The following SEC23IP variants were observed in gnomAD, a reference collection of about 807,000 sequenced individuals.
SEC23IP encodes the protein SEC23-interacting protein.
SEC23IP carries 70 observed loss-of-function variants against 113.4 expected under a neutral mutation model. The ratio of observed to expected loss-of-function variants is 0.62; its 90% confidence interval spans 0.51 to 0.75. The LOEUF (loss-of-function observed/expected upper bound fraction) is 0.75. Among genes scored for constraint, SEC23IP ranks in the 30% least tolerant of loss-of-function variants. The pLI is 0.00. For missense variants in SEC23IP, 1,160 were observed against 1,204.9 expected, an observed-to-expected ratio of 0.96 and a Z score of 0.55; for synonymous variants, 398 against 421.0, an observed-to-expected ratio of 0.95 and a Z score of 0.67.
rs1467304983 is a variant in SEC23IP, at chr10:119,902,847, C to T, written c.745C>T (p.Pro249Ser). The stretch of plus-strand genomic sequence containing the variant: ...GGCACAGCAGCAGGTACCTGCCAGA[C>T]CTGGGGCTCCCTCTGTTCAAGTGCC... ...SPAQQQVPAR[P>S]GAPSVQVPSP... The change falls in exon 3 of 19, where the codon CCT becomes TCT. Residue 249 changes from proline to serine, a missense_variant. By Grantham distance (74) the Pro-to-Ser change is moderately conservative (BLOSUM62 -1). Coordinates refer to ENST00000369075, the MANE Select transcript of SEC23IP (RefSeq NM_007190.4). 8 of 1,614,202 alleles carry T rather than the reference C, an allele frequency of 5.0e-6. No individual in the cohort carries two copies. Among genetic ancestry groups the T allele is most frequent in the Non-Finnish European group, 6.8e-6 (8 of 1,180,028 alleles).
chr10:119,921,288 T>G (rs1855242570), intron 12 of SEC23IP, among the ~76,000 whole-genome samples: 1 of 152,242 alleles, frequency 6.6e-6, no homozygotes, highest in African/African-American at 2.4e-5. Context: ...AAATAAATTC[T>G]CAGCTCAACT....
intron 13 of SEC23IP, among the ~76,000 whole-genome samples, chr10:119,926,687 A>G (rs1855436249): frequency 1.3e-5 from 2 of 152,218 alleles, no homozygotes; most frequent in South Asian, 4.1e-4. Flanking sequence ...CTTGTATCAC[A>G]GTGGCTTTTA....
Position 119,898,935 on chromosome 10 carries a change from G to T in SEC23IP, c.672G>T (p.Gln224His), listed in dbSNP as rs764927384. The T allele has an allele frequency of 3.1e-6, 5 of 1,594,268 alleles. No homozygotes were observed. Among genetic ancestry groups the T allele is most frequent in the Non-Finnish European group, 4.3e-6 (5 of 1,176,458 alleles). The change falls in exon 2 of 19, where the codon CAG becomes CAT. Residue 224 changes from glutamine to histidine, a missense_variant. Transcript: ENST00000369075. ...PPSGPPVQMY[Q>H]MPPGSLPPVP... Reference sequence around the variant, plus strand: ...CTGGACCCCCTGTTCAGATGTACCAGATGCCTCCAGGATCTTTGCCACCGG... The same window carrying T: ...CTGGACCCCCTGTTCAGATGTACCATATGCCTCCAGGATCTTTGCCACCGG...
chr10:119,895,607 A>G (rs974004070), intron 1 of SEC23IP, among the ~76,000 whole-genome samples: 1 of 152,132 alleles, frequency 6.6e-6, no homozygotes, highest in African/African-American at 2.4e-5. Flanking sequence ...GAGCCGGGGA[A>G]TGGATGTCCC....
intron 11 of SEC23IP, 36 bp from the exon 12 acceptor site, chr10:119,920,853 A>G (rs746256228): frequency 2.2e-6 from 3 of 1,341,288 alleles, no homozygotes; most frequent in African/African-American, 2.9e-5. Context: ...TTCTATCACT[A>G]GATTGATTAA....
At chr10:119,906,283 G>GAA (rs59914110) in intron 4 of SEC23IP, among the ~76,000 whole-genome samples, 1 of 114,830 alleles carries the variant, frequency 8.7e-6, no homozygotes, top group Non-Finnish European at 1.8e-5. Flanking sequence ...CCTTGTCTCA[G>GAA]AAAAAAAAAA....
At chr10:119,938,393 G>A (rs34255946) in intron 18 of SEC23IP, among the ~76,000 whole-genome samples, 2,525 of 152,148 alleles carry the variant, frequency 0.017, 30 homozygotes, top group Non-Finnish European at 0.027. Context: ...AGGTGCGCAG[G>A]CCTCTTTGCC....
chr10:119,909,159 A>G (rs778219998), intron 5 of SEC23IP, 29 bp downstream of exon 5: 12 of 1,411,208 alleles, frequency 8.5e-6, no homozygotes, highest in Admixed American at 2.0e-5. Flanking sequence ...ATTTTAAGGT[A>G]TTAAGTTCAT....
At chr10:119,935,175 A>G (rs2134536508) in intron 18 of SEC23IP, among the ~76,000 whole-genome samples, 1 of 152,030 alleles carries the variant, frequency 6.6e-6, no homozygotes, top group Non-Finnish European at 1.5e-5. Context: ...TAAAAGACAA[A>G]AGAGGCTGGG....
At chr10:119,936,058 A>G (rs1855768693) in intron 18 of SEC23IP, among the ~76,000 whole-genome samples, 1 of 152,210 alleles carries the variant, frequency 6.6e-6, no homozygotes, top group African/African-American at 2.4e-5. Context: ...GATACGTGAT[A>G]TTTTAATAGT....
chr10:119,908,917 A>C, intron 4 of SEC23IP, 124 bp from the exon 5 acceptor site: 1 of 634,808 alleles, frequency 1.6e-6, no homozygotes, highest in East Asian at 2.7e-5. Flanking sequence ...TTAACCAGTC[A>C]GGAAATGAGA....
intron 6 of SEC23IP, among the ~76,000 whole-genome samples, chr10:119,913,758 C>G (rs1183636849): frequency 6.6e-6 from 1 of 151,784 alleles, no homozygotes; most frequent in Non-Finnish European, 1.5e-5. Context: ...TCCTAAAGTT[C>G]TGGAATTACA....
Position 119,914,715 on chromosome 10 carries a change from A to AT in SEC23IP, c.1313-15_1313-14insT. On this transcript the variant is annotated splice_polypyrimidine_tract_variant and intron_variant, in intron 6 of 18. Transcript: ENST00000369075. Reference sequence around the variant, plus strand: ...TTCCCATCTTTTATGTAGGTTTAAAAATTTTTTTTGATAGGGGAGATGCCT... The same window carrying AT: ...TTCCCATCTTTTATGTAGGTTTAAAATATTTTTTTTGATAGGGGAGATGCCT... 3 of 1,609,570 alleles carry AT rather than the reference A, an allele frequency of 1.9e-6. No homozygotes were observed. Among genetic ancestry groups the AT allele is most frequent in the Non-Finnish European group, 1.7e-6 (2 of 1,177,392 alleles).
chr10:119,919,104 C>T (rs1855152657), intron 10 of SEC23IP, among the ~76,000 whole-genome samples: 1 of 151,618 alleles, frequency 6.6e-6, no homozygotes, highest in Non-Finnish European at 1.5e-5. Flanking sequence ...AGCGATTCTC[C>T]TGCCTCAGCC....
At chr10:119,894,892 C>G (rs969846823) in intron 1 of SEC23IP, among the ~76,000 whole-genome samples, 130 of 143,598 alleles carry the variant, frequency 9.1e-4, no homozygotes, top group East Asian at 1.9e-3. Flanking sequence ...TGGAGACAGT[C>G]TGTGTGTGTG....
chr10:119,931,675 C>G (rs1265998496), intron 15 of SEC23IP, among the ~76,000 whole-genome samples: 1 of 151,720 alleles, frequency 6.6e-6, no homozygotes, highest in East Asian at 1.9e-4. Context: ...GCCTCAGCCT[C>G]CTGAGTAGCT....
At chr10:119,904,891 G>A (rs1854612398) in intron 4 of SEC23IP, among the ~76,000 whole-genome samples, 1 of 152,166 alleles carries the variant, frequency 6.6e-6, no homozygotes. Flanking sequence ...CCAGCACTAT[G>A]GGAGGCCTAG....
intron 13 of SEC23IP, 113 bp downstream of exon 13, chr10:119,926,340 G>GA: frequency 8.9e-7 from 1 of 1,126,360 alleles, no homozygotes; most frequent in Non-Finnish European, 1.2e-6. Context: ...TTGTGATGTG[G>GA]AAAAAACTGA....
intron 5 of SEC23IP, among the ~76,000 whole-genome samples, chr10:119,910,089 A>AC: frequency 6.6e-6 from 1 of 152,346 alleles, no homozygotes; most frequent in South Asian, 2.1e-4. Flanking sequence ...CAGCTCTGCC[A>AC]CCGTGGTGTG....
Sources: allele counts gnomAD v4.1 joint callset (sites outside exome capture counted in the v4.1 genomes callset), GRCh38; gene constraint gnomAD v4.1.1; transcripts MANE v1.5; gene names NCBI Gene and HGNC (gene_info 2026-07-23, HGNC 2026-07-21).